The following HS6ST2 variants were observed in gnomAD, a reference collection of about 807,000 sequenced individuals.
HS6ST2 encodes heparan-sulfate 6-O-sulfotransferase 2.
Under a neutral mutation model 33.0 loss-of-function variants are expected in HS6ST2, and 17 were observed. The observed-to-expected ratio is 0.52, with a 90% CI of 0.35 to 0.77. HS6ST2 has a LOEUF of 0.77. HS6ST2 is among the 30% of genes least tolerant of loss of function. HS6ST2 has a pLI of 0.01. For synonymous variants in HS6ST2, 248 were observed against 237.1 expected, an observed-to-expected ratio of 1.05 and a Z score of -0.42; for missense variants, 519 against 551.7, an observed-to-expected ratio of 0.94 and a Z score of 0.59.
intron 3 of HS6ST2, among the ~76,000 whole-genome samples, chrX:132,705,277 A>T (rs1398224423): frequency 2.7e-5 from 3 of 110,375 alleles, no homozygotes; most frequent in Non-Finnish European, 5.7e-5. Flanking sequence ...ACATCAAGAT[A>T]GATTATGAAC....
intron 3 of HS6ST2, among the ~76,000 whole-genome samples, chrX:132,680,618 C>T (rs1371229892): frequency 1.8e-5 from 2 of 110,955 alleles, no homozygotes; most frequent in African/African-American, 6.6e-5. Flanking sequence ...ACAGTGGGCT[C>T]AAAGGAGAAC....
chrX:132,850,164 C>T (rs941828553), intron 2 of HS6ST2, among the ~76,000 whole-genome samples: 4 of 112,141 alleles, frequency 3.6e-5, no homozygotes, highest in Non-Finnish European at 7.5e-5. Flanking sequence ...TTATAATGTT[C>T]CCTAAAAAGT....
At chrX:132,836,298 T>C (rs2065643628) in intron 2 of HS6ST2, among the ~76,000 whole-genome samples, 1 of 112,637 alleles carries the variant, frequency 8.9e-6, no homozygotes, top group African/African-American at 3.2e-5. Context: ...GCTGCACTTC[T>C]GTGGGGTTTC....
intron 2 of HS6ST2, among the ~76,000 whole-genome samples, chrX:132,913,160 G>A (rs138649876): frequency 9.0e-5 from 10 of 111,016 alleles, no homozygotes; most frequent in East Asian, 2.9e-4. Flanking sequence ...AGTTGTCAAC[G>A]TACCCTCATT....
intron 4 of HS6ST2, among the ~76,000 whole-genome samples, chrX:132,668,621 TATC>T (rs1482875155): frequency 8.9e-6 from 1 of 111,741 alleles, no homozygotes; most frequent in Non-Finnish European, 1.9e-5. Context: ...AGAATATACA[TATC>T]ATATAAATCA....
intron 2 of HS6ST2, among the ~76,000 whole-genome samples, chrX:132,829,885 CA>C (rs768332027): frequency 9.0e-6 from 1 of 111,020 alleles, no homozygotes; most frequent in Admixed American, 9.6e-5. Flanking sequence ...CTTGTACTGA[CA>C]AAAAAGGAAC....
intron 2 of HS6ST2, among the ~76,000 whole-genome samples, chrX:132,747,699 GCCCTA>G (rs2064658492): frequency 9.0e-6 from 1 of 111,055 alleles, no homozygotes; most frequent in African/African-American, 3.3e-5. Flanking sequence ...GCCCCTTCCA[GCCCTA>G]ATGCTCTCAG....
At position 132,628,278 on chromosome X, in the gene HS6ST2, T is replaced by C. The variant is rs2063492893; in HGVS notation, c.1883A>G (p.Asp628Gly). The C allele has an allele frequency of 1.7e-6, 2 of 1,167,852 alleles. No individual in the cohort carries two copies. Among genetic ancestry groups the C allele is most frequent in the Non-Finnish European group, 2.3e-6 (2 of 872,985 alleles). ...GTCGTTGGTGCCATTGCTGGTGTTA[T>C]CATTCTGCTCCTTGCCTGAGTTCTG... ...PKQNSGKEQN[D>G]NTSNGTNDYI... The change falls in exon 5 of 5, where the codon GAT (aspartate) becomes GGT (glycine). Residue 628 changes from aspartate to glycine, a missense_variant. Physicochemically the swap from Asp to Gly is moderately conservative, Grantham distance 94 (BLOSUM62 -1). Transcript: ENST00000370833.
intron 2 of HS6ST2, among the ~76,000 whole-genome samples, chrX:132,737,267 A>C (rs1313000300): frequency 4.5e-5 from 5 of 111,563 alleles, no homozygotes; most frequent in Non-Finnish European, 9.4e-5. Context: ...TCTTCATATC[A>C]ATGTATGGAC....
chrX:132,943,133 A>G (rs1427558699), intron 2 of HS6ST2, among the ~76,000 whole-genome samples: 2 of 112,111 alleles, frequency 1.8e-5, no homozygotes, highest in Non-Finnish European at 3.8e-5. Flanking sequence ...TAAATTTTTA[A>G]AAGGTGTTTT....
intron 2 of HS6ST2, among the ~76,000 whole-genome samples, chrX:132,774,322 T>G (rs1169077873): frequency 8.9e-6 from 1 of 112,572 alleles, no homozygotes; most frequent in Non-Finnish European, 1.9e-5. Flanking sequence ...CCTTGTTCAT[T>G]TATAAAACAG....
chrX:132,647,709 C>T (rs1351170889), intron 4 of HS6ST2, among the ~76,000 whole-genome samples: 1 of 112,448 alleles, frequency 8.9e-6, no homozygotes, highest in African/African-American at 3.2e-5. Context: ...ATGCAAGAGG[C>T]TTAACCATGG....
intron 2 of HS6ST2, among the ~76,000 whole-genome samples, chrX:132,752,471 CA>C (rs751283316): frequency 0.013 from 790 of 59,643 alleles, 12 homozygotes; most frequent in African/African-American, 0.043. Context: ...GACTCCGTCT[CA>C]AAAAAAAAAA....
At chrX:132,793,250 G>A (rs1327010230) in intron 2 of HS6ST2, among the ~76,000 whole-genome samples, 1 of 107,276 alleles carries the variant, frequency 9.3e-6, no homozygotes, top group Non-Finnish European at 1.9e-5. Flanking sequence ...TAGTAGAGAT[G>A]GGGTTTCACC....
At chrX:132,806,755 T>C (rs752927886) in intron 2 of HS6ST2, among the ~76,000 whole-genome samples, 4 of 110,412 alleles carry the variant, frequency 3.6e-5, no homozygotes, top group Non-Finnish European at 5.7e-5. Context: ...TTTAAAAATA[T>C]GAAAATCATT....
At chrX:132,824,922 C>T (rs1274298350) in intron 2 of HS6ST2, among the ~76,000 whole-genome samples, 2 of 112,424 alleles carry the variant, frequency 1.8e-5, no homozygotes, top group Admixed American at 1.9e-4. Context: ...TGAAATCCAT[C>T]TCTTAATTCA....
intron 2 of HS6ST2, among the ~76,000 whole-genome samples, chrX:132,827,985 G>A (rs1224118702): frequency 9.0e-6 from 1 of 111,669 alleles, no homozygotes; most frequent in African/African-American, 3.3e-5. Flanking sequence ...AGTATTTACT[G>A]TCTGAACCTG....
intron 2 of HS6ST2, among the ~76,000 whole-genome samples, chrX:132,927,956 G>C (rs953310251): frequency 3.6e-5 from 4 of 111,074 alleles, no homozygotes; most frequent in African/African-American, 1.3e-4. Context: ...ATTAGCTCAT[G>C]GTTCTGTAGG....
chrX:132,666,229 C>A (rs965296664), intron 4 of HS6ST2, among the ~76,000 whole-genome samples: 1 of 110,571 alleles, frequency 9.0e-6, no homozygotes, highest in African/African-American at 3.3e-5. Context: ...TTATTGATAT[C>A]CCCATATGAC....
Sources: gnomAD v4.1 joint callset for allele counts (sites outside exome capture counted in the v4.1 genomes callset) on GRCh38, gnomAD v4.1.1 for gene constraint, MANE v1.5 for transcripts, NCBI Gene and HGNC (gene_info 2026-07-23, HGNC 2026-07-21) for gene names.